The following ADAMTS7 variants were observed in gnomAD, a reference collection of about 807,000 sequenced individuals.
ADAMTS7 encodes ADAM metallopeptidase with thrombospondin type 1 motif 7.
Under a neutral mutation model 172.6 loss-of-function variants are expected in ADAMTS7, and 89 were observed. The observed-to-expected ratio is 0.52, with a 90% confidence interval of 0.43 to 0.61. ADAMTS7 has a LOEUF of 0.61. ADAMTS7 is among the 20% of genes least tolerant of loss of function. The pLI is 0.00. For missense variants in ADAMTS7, 1,973 were observed against 2,355.6 expected (o/e 0.84, Z 3.36); for synonymous variants, 885 against 978.4 (o/e 0.90, Z 1.78).
In ADAMTS7 at chr15:78,763,813, C is replaced by T; in HGVS notation, c.4626G>A (p.Gln1542=). The T allele has an allele frequency of 1.3e-6, 2 of 1,581,992 alleles. No homozygotes were observed. Among genetic ancestry groups the T allele is most frequent in the Non-Finnish European group, 1.7e-6 (2 of 1,166,322 alleles). The part of the protein sequence containing the change: ...CSEACGGGEQ[Q]RLVTCPEPGL... Reference sequence around the variant, plus strand: ...CTGGCTCCGGGCAGGTCACTAGACGCTGCTGCTCACCACCGCCACAGGCCT... The same window carrying T: ...CTGGCTCCGGGCAGGTCACTAGACGTTGCTGCTCACCACCGCCACAGGCCT... The change falls in exon 22 of 24, where the codon CAG becomes CAA. Residue 1542 remains glutamine, a synonymous_variant. Transcript: ENST00000388820.
rs1443249692 is a variant in ADAMTS7 at position 78,767,376 on chromosome 15, C to T, written c.2859+3G>A. On this transcript the variant is annotated splice_donor_region_variant and intron_variant, in intron 18 of 23. Coordinates refer to ENST00000388820, the MANE Select transcript of ADAMTS7 (RefSeq NM_014272.5). ...GGCGGGCCCCTTCCCATCCCACACTCACCTGAGACCAGTTCCCCACAGCCC... is the reference window on the plus strand; with the variant it reads ...GGCGGGCCCCTTCCCATCCCACACTTACCTGAGACCAGTTCCCCACAGCCC... 1 of 1,611,558 alleles carries T rather than the reference C, an allele frequency of 6.2e-7. No individual in the cohort carries two copies. The highest frequency in any genetic ancestry group is 1.3e-5 in the African/African-American group (1 of 74,882).
At chr15:78,799,920 G>T (rs1301973496) in intron 2 of ADAMTS7, among the ~76,000 whole-genome samples, 8 of 150,394 alleles carry the variant, frequency 5.3e-5, no homozygotes, top group African/African-American at 2.5e-5. Context: ...TTGAATTCCT[G>T]GGCTCAAGTG....
chr15:78,787,670 C>G (rs2055522428), intron 8 of ADAMTS7, among the ~76,000 whole-genome samples: 1 of 151,950 alleles, frequency 6.6e-6, no homozygotes, highest in South Asian at 2.1e-4. Flanking sequence ...TCTCAAAAAA[C>G]AAACAAACAA....
chr15:78,783,872 A>G (rs2055465689), intron 8 of ADAMTS7, among the ~76,000 whole-genome samples: 1 of 151,240 alleles, frequency 6.6e-6, no homozygotes. Flanking sequence ...GGGGATTCTG[A>G]ACTGCTAAGT....
intron 16 of ADAMTS7, chr15:78,770,800 T>G (rs1596178728): frequency 2.5e-5 from 5 of 198,666 alleles, no homozygotes; most frequent in East Asian, 1.3e-4. Context: ...GGAGGAAGAG[T>G]CAGAGTTAAT....
Position 78,774,724 on chromosome 15 carries a change from G to A in ADAMTS7, c.1776C>T (p.Cys592=). The stretch of plus-strand genomic sequence containing the variant: ...GGCGGAAGGAGGGGCGGCCAGCAGG[G>A]CAGGCCTGCAGGTTGCAGAGGCGGA... ...KRFRLCNLQA[C]PAGRPSFRHV... Residue 592 remains cysteine (C), a synonymous_variant, in exon 12 of 24, where the codon TGC becomes TGT. Coordinates refer to ENST00000388820, the MANE Select transcript of ADAMTS7 (RefSeq NM_014272.5). 1.2e-6 allele frequency: 2 copies of A among 1,611,546 alleles called. No individual in the cohort carries two copies. Among genetic ancestry groups the A allele is most frequent in the Non-Finnish European group, 1.7e-6 (2 of 1,179,744 alleles).
At chr15:78,774,901 G>T in intron 11 of ADAMTS7, 108 bp from the exon 12 acceptor site, 1 of 1,362,518 alleles carries the variant, frequency 7.3e-7, no homozygotes, top group Non-Finnish European at 9.8e-7. Context: ...CGAGATCCCT[G>T]CTGCCCAGCT....
chr15:78,789,034 A>G (rs553206864), intron 7 of ADAMTS7, among the ~76,000 whole-genome samples: 2 of 152,334 alleles, frequency 1.3e-5, no homozygotes, highest in Admixed American at 1.3e-4. Flanking sequence ...AAGCAGCTTC[A>G]AGGTCCTGCA....
rs181065938 is a variant in ADAMTS7 at position 78,791,188 on chromosome 15, G to A, written c.855C>T (p.Asn285=). 2 of 1,613,526 alleles carry A rather than the reference G, an allele frequency of 1.2e-6. No individual in the cohort carries two copies. Among genetic ancestry groups the A allele is most frequent in the African/African-American group, 2.7e-5 (2 of 75,038 alleles). The change falls in exon 5 of 24, where the codon AAC becomes AAT. Residue 285 remains asparagine (N), a synonymous_variant. Transcript: ENST00000388820. ...AGLFHDPSIG[N]PIHITIVRLV... ...GGCGCACAATGGTGATGTGGATGGG[G>A]TTCCCAATGCTGGGGTCATGAAACA...
intron 8 of ADAMTS7, among the ~76,000 whole-genome samples, chr15:78,785,559 A>AG (rs1249898187): frequency 6.6e-6 from 1 of 152,010 alleles, no homozygotes; most frequent in African/African-American, 2.4e-5. Flanking sequence ...AAAAAAAAAA[A>AG]AAAAGAAAAG....
At chr15:78,794,579 C>T (rs1452439256) in intron 4 of ADAMTS7, among the ~76,000 whole-genome samples, 1 of 152,046 alleles carries the variant, frequency 6.6e-6, no homozygotes, top group Admixed American at 6.5e-5. Context: ...GGATGGGGCT[C>T]ACCAAGTGAA....
At chr15:78,759,992 G>A (rs770810783) in intron 23 of ADAMTS7, among the ~76,000 whole-genome samples, 9 of 151,112 alleles carry the variant, frequency 6.0e-5, no homozygotes, top group South Asian at 4.2e-4. Context: ...CTCTGCCCCC[G>A]ACTCCCGCCA....
intron 8 of ADAMTS7, among the ~76,000 whole-genome samples, chr15:78,781,432 C>A (rs1330143505): frequency 1.3e-5 from 2 of 152,138 alleles, no homozygotes; most frequent in East Asian, 1.9e-4. Context: ...GGATGGGGTT[C>A]TTCTTCCTCC....
intron 10 of ADAMTS7, chr15:78,776,534 C>T (rs1419229284): frequency 7.2e-6 from 6 of 835,914 alleles, no homozygotes; most frequent in Non-Finnish European, 1.1e-5. Flanking sequence ...AAACAGCCCA[C>T]ATGCTGACTC....
intron 1 of ADAMTS7, among the ~76,000 whole-genome samples, chr15:78,810,054 T>A (rs1304349134): frequency 6.6e-6 from 1 of 152,196 alleles, no homozygotes; most frequent in East Asian, 1.9e-4. Context: ...AATGTCCCCA[T>A]CCTTCCCGCC....
chr15:78,776,911 C>T, intron 9 of ADAMTS7, 70 bp from the exon 10 acceptor site: 1 of 1,356,066 alleles, frequency 7.4e-7, no homozygotes, highest in Non-Finnish European at 1.0e-6. Context: ...TGCCCCCCTC[C>T]CTGTCCCCAA....
At position 78,798,122 on chromosome 15, in the gene ADAMTS7, G is replaced by A. The variant is rs771973116; in HGVS notation, c.457-9C>T. ...AGCTGGAACACACCTTTCTGGGGAA[G>A]AAGCACCAGGGTCACACAGGGAGGG... On this transcript the variant is annotated splice_polypyrimidine_tract_variant and intron_variant, in intron 2 of 23. Transcript: ENST00000388820. 1 of 1,546,446 alleles carries A rather than the reference G, an allele frequency of 6.5e-7. No individual in the cohort carries two copies. The highest frequency in any genetic ancestry group is 1.2e-5 in the South Asian group (1 of 81,158).
rs538382275 is a variant in ADAMTS7 at position 78,766,658 on chromosome 15, C to G, written c.3253G>C (p.Asp1085His). Residue 1085 changes from aspartate (D) to histidine (H), a missense_variant, in exon 19 of 24, where the codon GAT (aspartate) becomes CAT (histidine). Physicochemically the swap from Asp to His is moderately conservative, Grantham distance 81. Around this residue, in one of 8 missense-constraint regions of ADAMTS7, gnomAD observed 771 missense variants for 952.6 expected, o/e 0.81. Coordinates refer to ENST00000388820, the MANE Select transcript of ADAMTS7 (RefSeq NM_014272.5). ...DLSYGPSEEP[D>H]LDLAGTGDRT... ...TCCCCTGTCCCCGCCAGGTCTAGAT[C>G]GGGCTCCTCAGAGGGCCCGTAGGAC... is the stretch of plus-strand genomic sequence containing the variant. 8 of 1,610,668 alleles carry G rather than the reference C, an allele frequency of 5.0e-6. 1 individual carries two copies. The African/African-American group carries it at 1.1e-4, about 21-fold the overall frequency.
chr15:78,805,645 G>T (rs1031325024), intron 1 of ADAMTS7, among the ~76,000 whole-genome samples: 53 of 152,300 alleles, frequency 3.5e-4, no homozygotes, highest in African/African-American at 1.2e-3. Flanking sequence ...GGAAAAATCT[G>T]TCTCCCTACC....
Sources: allele counts gnomAD v4.1 joint callset (sites outside exome capture counted in the v4.1 genomes callset), GRCh38; gene constraint gnomAD v4.1.1; regional missense constraint gnomAD v4.1.1; transcripts MANE v1.5; gene names NCBI Gene and HGNC (gene_info 2026-07-23, HGNC 2026-07-21).